Variants in SEC14L1 observed in about 807,000 individuals in gnomAD.
SEC14L1 encodes SEC14 like lipid binding 1.
Under a neutral mutation model 85.3 loss-of-function variants are expected in SEC14L1, and 48 were observed. The ratio of observed to expected loss-of-function variants is 0.56; its 90% CI spans 0.45 to 0.72. The LOEUF is 0.72. Among genes scored for constraint, SEC14L1 ranks in the 30% least tolerant of loss-of-function variants. The probability of loss-of-function intolerance (pLI) is 0.00; values close to 1 mark genes in which losing one functional copy is unlikely to be tolerated. For missense variants in SEC14L1, 682 were observed against 921.4 expected, an observed-to-expected ratio of 0.74 and a Z score of 3.36; for synonymous variants, 391 against 355.5, an observed-to-expected ratio of 1.10 and a Z score of -1.12.
At chr17:77,126,499 T>A (rs12603490) in intron 3 of SEC14L1, among the ~76,000 whole-genome samples, 1 of 152,064 alleles carries the variant, frequency 6.6e-6, no homozygotes, top group Non-Finnish European at 1.5e-5. Flanking sequence ...GCAGAACTCT[T>A]TGTGCCTCGG....
At chr17:77,117,898 A>G (rs545665774) in intron 3 of SEC14L1, among the ~76,000 whole-genome samples, 2 of 152,288 alleles carry the variant, frequency 1.3e-5, no homozygotes, top group African/African-American at 4.8e-5. Context: ...CCCTAAAAAC[A>G]AGACTGCCCT....
Position 77,214,951 on chromosome 17 carries a change from C to T in SEC14L1, c.*928C>T. ...AGCAAGTCGCATTTGCCACTTGACA[C>T]TGTCCATGGGGTTTTATTAGTAGCT... On this transcript the variant is annotated 3_prime_UTR_variant, in exon 17 of 17. Transcript: ENST00000436233. 3 of 985,484 alleles carry T rather than the reference C, an allele frequency of 3.0e-6. No homozygotes were observed. The highest frequency in any genetic ancestry group is 3.5e-5 in the African/African-American group (2 of 57,354). 61.0% of individuals were successfully genotyped at this position (985,484 alleles called of 1,614,324 possible).
At chr17:77,102,048 G>T (rs1219493674) in intron 3 of SEC14L1, among the ~76,000 whole-genome samples, 3 of 152,112 alleles carry the variant, frequency 2.0e-5, no homozygotes, top group Non-Finnish European at 2.9e-5. Context: ...ATCTGTTGGG[G>T]AAATATAATT....
Position 77,191,303 on chromosome 17 carries a change from C to T in SEC14L1, c.336C>T (p.Cys112=). ...FSNRVIINEH[C]CYTVHPENED... ...ATCGGGTCATCATTAATGAGCATTGCTGCTACACCGTGAGTAATCTGTCAC... is the reference window on the plus strand; with the variant it reads ...ATCGGGTCATCATTAATGAGCATTGTTGCTACACCGTGAGTAATCTGTCAC... The change falls in exon 5 of 17, where the codon TGC becomes TGT. Residue 112 remains cysteine (C), a synonymous_variant. Coordinates refer to ENST00000436233, the MANE Select transcript of SEC14L1 (RefSeq NM_001143998.2). 2.5e-6 allele frequency: 4 copies of T among 1,614,112 alleles called. No individual in the cohort carries two copies. The highest frequency in any genetic ancestry group is 3.4e-6 in the Non-Finnish European group (4 of 1,179,978).
rs1469972842 is a variant in SEC14L1 at position 77,196,327 on chromosome 17, A to G, written c.819+16A>G. The G allele has an allele frequency of 1.3e-6, 2 of 1,494,582 alleles. No homozygotes were observed. Among genetic ancestry groups the G allele is most frequent in the South Asian group, 1.1e-5 (1 of 88,390 alleles). 92.6% of individuals were successfully genotyped at this position (1,494,582 alleles called of 1,614,324 possible). A position where few individuals can be genotyped will look rare whatever the true frequency, so the allele number is the denominator to read the frequency against. ...CAAGGGCAAAGTGAGTGTCAGCACC[A>G]CACCCAGTGTGCAGGGCCAGAGCTA... On this transcript the variant is annotated intron_variant, in intron 8 of 16. Transcript: ENST00000436233.
chr17:77,184,868 G>A (rs1204411537), intron 3 of SEC14L1, among the ~76,000 whole-genome samples: 1 of 152,188 alleles, frequency 6.6e-6, no homozygotes, highest in Non-Finnish European at 1.5e-5. Flanking sequence ...TACATACTTT[G>A]TAGAAACTCG....
chr17:77,145,153 ATTTGT>A (rs145996966), intron 3 of SEC14L1: 9,869 of 144,142 alleles, frequency 0.068, 423 homozygotes, highest in East Asian at 0.27. Context: ...ACACATATAT[ATTTGT>A]TTTGTTTTGT....
intron 2 of SEC14L1, 62 bp from the exon 3 acceptor site, chr17:77,143,505 A>G (rs1330025865): frequency 1.0e-6 from 1 of 964,608 alleles, no homozygotes; most frequent in Non-Finnish European, 1.6e-6. Flanking sequence ...GTGTCAGTGC[A>G]GACTTACTAA....
intron 10 of SEC14L1, among the ~76,000 whole-genome samples, chr17:77,204,364 C>G (rs1976349772): frequency 6.6e-6 from 1 of 151,754 alleles, no homozygotes. Context: ...ATTTCAGGCA[C>G]CCGCCACCAT....
intron 9 of SEC14L1, among the ~76,000 whole-genome samples, chr17:77,201,125 A>G (rs1462345574): frequency 1.3e-5 from 2 of 152,216 alleles, no homozygotes; most frequent in African/African-American, 2.4e-5. Flanking sequence ...CTTTGGGAGT[A>G]AGTAAGGCCT....
intron 1 of SEC14L1, chr17:77,141,500 G>C (rs1973041594): frequency 6.6e-6 from 1 of 150,766 alleles, no homozygotes; most frequent in African/African-American, 2.4e-5. Flanking sequence ...GAGCAGCCCC[G>C]GGCGCCGGCC....
Position 77,212,166 on chromosome 17 carries a change from T to A in SEC14L1, c.1828T>A (p.Ser610Thr). 1 of 1,613,614 alleles carries A rather than the reference T, an allele frequency of 6.2e-7. No homozygotes were observed. The highest frequency in any genetic ancestry group is 1.1e-5 in the South Asian group (1 of 91,070). The stretch of plus-strand genomic sequence containing the variant: ...GGGCCGCGACTACAGCATGGTGGAG[T>A]CGCCTCTGATCTGCAAAGAAGGAGA... ...QLGRDYSMVE[S>T]PLICKEGESV... is the part of the protein sequence containing the mutation. Residue 610 changes from serine to threonine, a missense_variant, in exon 15 of 17, where the codon TCG (serine) becomes ACG (threonine). By Grantham distance (58) the Ser-to-Thr change is moderately conservative (BLOSUM62 1). Coordinates refer to ENST00000436233, the MANE Select transcript of SEC14L1 (RefSeq NM_001143998.2).
chr17:77,201,084 C>T (rs915118465), intron 9 of SEC14L1, among the ~76,000 whole-genome samples: 1 of 152,238 alleles, frequency 6.6e-6, no homozygotes, highest in Non-Finnish European at 1.5e-5. Context: ...GCCCGGTTTT[C>T]TACATCACAG....
At chr17:77,139,001 T>C (rs1972877260), upstream of SEC14L1, among the ~76,000 whole-genome samples, 1 of 152,170 alleles carries the variant, frequency 6.6e-6, no homozygotes, top group African/African-American at 2.4e-5. Flanking sequence ...TTCCCCTCTT[T>C]TTTTCCTTTG....
chr17:77,165,618 A>T (rs1405124353), intron 3 of SEC14L1, among the ~76,000 whole-genome samples: 1 of 152,122 alleles, frequency 6.6e-6, no homozygotes, highest in Non-Finnish European at 1.5e-5. Context: ...TTCACAATTT[A>T]TATGATAAGG....
intron 3 of SEC14L1, among the ~76,000 whole-genome samples, chr17:77,101,771 G>A (rs1414198296): frequency 6.6e-6 from 1 of 152,206 alleles, no homozygotes; most frequent in East Asian, 1.9e-4. Flanking sequence ...TGGGACTTAG[G>A]CGTGGACTTA....
At chr17:77,133,983 G>A (rs1011130840) in intron 3 of SEC14L1, among the ~76,000 whole-genome samples, 1 of 149,666 alleles carries the variant, frequency 6.7e-6, no homozygotes, top group Admixed American at 6.7e-5. Flanking sequence ...GCACAGTCAC[G>A]GTGTTTCAGA....
chr17:77,214,772 G>A lies in SEC14L1; in HGVS notation c.*749G>A. 1.0e-6 allele frequency: 1 copy of A among 985,296 alleles called. No homozygotes were observed. Among genetic ancestry groups the A allele is most frequent in the Non-Finnish European group, 1.2e-6 (1 of 829,998 alleles). The allele number at this position is 985,296 out of a possible 1,614,324, so 61.0% of individuals were successfully genotyped here. On this transcript the variant is annotated 3_prime_UTR_variant, in exon 17 of 17. Coordinates refer to ENST00000436233, the MANE Select transcript of SEC14L1 (RefSeq NM_001143998.2). ...CAGGATTTTTCTGTATGTGAACTTGGGTGGGGGGGTTCTTCCCGTTTCCTT... is the reference window on the plus strand; with the variant it reads ...CAGGATTTTTCTGTATGTGAACTTGAGTGGGGGGGTTCTTCCCGTTTCCTT...
chr17:77,150,595 G>T (rs1973511154), intron 3 of SEC14L1, among the ~76,000 whole-genome samples: 1 of 152,168 alleles, frequency 6.6e-6, no homozygotes, highest in African/African-American at 2.4e-5. Flanking sequence ...TCTTACTTCA[G>T]GGTGAGGAGA....
Sources: allele counts gnomAD v4.1 joint callset (sites outside exome capture counted in the v4.1 genomes callset), GRCh38; gene constraint gnomAD v4.1.1; transcripts MANE v1.5; gene names NCBI Gene and HGNC (gene_info 2026-07-23, HGNC 2026-07-21).